NRG1: variants seen among roughly 807,000 people sequenced by gnomAD.
The protein encoded by NRG1 is neuregulin 1.
Under a neutral mutation model 63.8 loss-of-function variants are expected in NRG1, and 18 were observed. That is an observed-to-expected ratio of 0.28 (90% CI 0.19 to 0.42). NRG1 has a LOEUF of 0.42. Ranked by LOEUF, NRG1 falls within the 10% of genes least tolerant of loss-of-function variation. NRG1 has a pLI of 1.00. For missense variants in NRG1, 762 were observed against 814.7 expected (o/e 0.94, Z 0.79); for synonymous variants, 302 against 301.3 (o/e 1.00, Z -0.02).
chr8:32,073,234 T>C (rs1280804903), intron 1 of NRG1, among the ~76,000 whole-genome samples: 2 of 152,168 alleles, frequency 1.3e-5, no homozygotes, highest in African/African-American at 2.4e-5. Context: ...AGGCAGAAGA[T>C]AGCTAATGCA....
chr8:32,385,556 G>A (rs1212671994), intron 1 of NRG1, among the ~76,000 whole-genome samples: 1 of 152,158 alleles, frequency 6.6e-6, no homozygotes, highest in African/African-American at 2.4e-5. Context: ...AATCATGGCG[G>A]AAGGCAAAGG....
intron 1 of NRG1, among the ~76,000 whole-genome samples, chr8:32,165,553 T>G (rs2131955822): frequency 6.6e-6 from 1 of 152,192 alleles, no homozygotes; most frequent in East Asian, 1.9e-4. Flanking sequence ...CAGACAGAAG[T>G]AGATGCTGAA....
At chr8:32,514,193 T>C (rs2129502837) in intron 1 of NRG1, among the ~76,000 whole-genome samples, 1 of 152,326 alleles carries the variant, frequency 6.6e-6, no homozygotes, top group East Asian at 1.9e-4. Context: ...CTGTAACATA[T>C]GAGCAGTCTT....
chr8:32,531,967 G>A (rs1831496950), intron 1 of NRG1, among the ~76,000 whole-genome samples: 1 of 152,134 alleles, frequency 6.6e-6, no homozygotes, highest in East Asian at 1.9e-4. Context: ...GTGAACACAG[G>A]TGCTATTAGT....
At chr8:31,650,295 T>C (rs960584519) in intron 1 of NRG1, among the ~76,000 whole-genome samples, 2 of 152,212 alleles carry the variant, frequency 1.3e-5, no homozygotes, top group African/African-American at 2.4e-5. Context: ...CTACTTTTCT[T>C]AGGCCTTGTT....
intron 1 of NRG1, among the ~76,000 whole-genome samples, chr8:32,198,626 C>T (rs968731228): frequency 1.3e-5 from 2 of 152,172 alleles, no homozygotes; most frequent in African/African-American, 2.4e-5. Context: ...ATAGGAGGAA[C>T]CATTTACTGT....
chr8:31,680,555 G>C (rs1242823985), intron 1 of NRG1, among the ~76,000 whole-genome samples: 1 of 150,474 alleles, frequency 6.6e-6, no homozygotes, highest in African/African-American at 2.4e-5. Flanking sequence ...GGACATTTGG[G>C]TTGGTTCCAA....
intron 6 of NRG1, among the ~76,000 whole-genome samples, chr8:32,737,708 G>A (rs575378286): frequency 1.4e-4 from 18 of 130,020 alleles, no homozygotes; most frequent in African/African-American, 4.1e-4. Flanking sequence ...ATGGAGTCTC[G>A]TTCTGTCACC....
At chr8:32,400,029 G>A (rs889673940) in intron 1 of NRG1, among the ~76,000 whole-genome samples, 1 of 152,140 alleles carries the variant, frequency 6.6e-6, no homozygotes, top group African/African-American at 2.4e-5. Flanking sequence ...TAGCAGTGCA[G>A]TCCATAAATT....
chr8:32,365,927 A>T (rs1243627400), intron 1 of NRG1, among the ~76,000 whole-genome samples: 1 of 152,190 alleles, frequency 6.6e-6, no homozygotes, highest in African/African-American at 2.4e-5. Flanking sequence ...GGTCTTGTAC[A>T]AAACTCTCCA....
chr8:31,696,232 A>G lies in NRG1; in HGVS notation c.37+56801A>G, dbSNP rs939217268. On this transcript the variant is annotated intron_variant, in intron 1 of 10. Transcript: ENST00000519301. ...CAGGCATGTGCCATCATGTCCAGCT[A>G]ATTTTTGCATTTTTAATAGAGACAG... Among the ~76,000 whole-genome samples, 6 of 152,008 alleles carry G rather than the reference A, an allele frequency of 3.9e-5. No homozygotes were observed. In the East Asian group the frequency reaches 9.7e-4, roughly 25 times the overall value.
intron 1 of NRG1, among the ~76,000 whole-genome samples, chr8:32,374,041 A>G (rs1445281145): frequency 6.6e-6 from 1 of 151,312 alleles, no homozygotes; most frequent in African/African-American, 2.4e-5. Flanking sequence ...TATGTGTACA[A>G]TTTTTTTTTA....
At chr8:31,784,615 G>A (rs374523139) in intron 1 of NRG1, among the ~76,000 whole-genome samples, 10 of 152,136 alleles carry the variant, frequency 6.6e-5, no homozygotes, top group Admixed American at 4.6e-4. Context: ...TAATAAACAC[G>A]TAGAATCTCG....
intron 1 of NRG1, among the ~76,000 whole-genome samples, chr8:32,025,929 G>A (rs1384806744): frequency 7.4e-6 from 1 of 135,048 alleles, no homozygotes; most frequent in Non-Finnish European, 1.6e-5. Flanking sequence ...CTGGCCGAGA[G>A]AGCGAGACTC....
At chr8:32,005,535 CT>C (rs1813636681) in intron 1 of NRG1, among the ~76,000 whole-genome samples, 1 of 151,872 alleles carries the variant, frequency 6.6e-6, no homozygotes, top group South Asian at 2.1e-4. Context: ...TCTTAAGAAC[CT>C]CATATAACTA....
chr8:31,695,122 A>G (rs1809921205), intron 1 of NRG1, among the ~76,000 whole-genome samples: 1 of 152,224 alleles, frequency 6.6e-6, no homozygotes, highest in Non-Finnish European at 1.5e-5. Context: ...CCTTCTTCAC[A>G]TTGGCAGAGC....
chr8:32,303,680 C>T (rs908424249), intron 1 of NRG1, among the ~76,000 whole-genome samples: 11 of 152,242 alleles, frequency 7.2e-5, no homozygotes, highest in South Asian at 6.2e-4. Context: ...CATCCAATTC[C>T]GAGGAAGAAA....
chr8:32,763,202 CT>C (rs201198881), intron 11 of NRG1: 16 of 1,587,508 alleles, frequency 1.0e-5, no homozygotes, highest in African/African-American at 5.4e-5. Context: ...TTACTATGCT[CT>C]TTTTTTTTCA....
At chr8:32,151,509 G>A (rs1329339458) in intron 1 of NRG1, among the ~76,000 whole-genome samples, 3 of 152,124 alleles carry the variant, frequency 2.0e-5, no homozygotes, top group Non-Finnish European at 4.4e-5. Flanking sequence ...GTGTAGAACA[G>A]GGCTATGAAG....
Sources: gnomAD v4.1 joint callset for allele counts (sites outside exome capture counted in the v4.1 genomes callset) on GRCh38, gnomAD v4.1.1 for gene constraint, MANE v1.5 for transcripts, NCBI Gene and HGNC (gene_info 2026-07-23, HGNC 2026-07-21) for gene names.